Variants in MCUR1 observed in about 807,000 individuals in gnomAD.
MCUR1 encodes the protein MCU regulator 1.
In MCUR1, 37 loss-of-function variants were observed where a neutral mutation model predicts 42.0. That is an observed-to-expected ratio of 0.88 (90% CI 0.68 to 1.16). The LOEUF (loss-of-function observed/expected upper bound fraction) is 1.16, where lower values mean the gene tolerates loss of function less well. Among genes scored for constraint, MCUR1 ranks in the 50% most tolerant of loss-of-function variants. MCUR1 has a pLI of 0.00. For synonymous variants in MCUR1, 229 were observed against 196.2 expected, an observed-to-expected ratio of 1.17 and a Z score of -1.40; for missense variants, 469 against 468.4, an observed-to-expected ratio of 1.00 and a Z score of -0.01.
At chr6:13,799,000 C>T (rs1007747830) in intron 5 of MCUR1, 96 bp from the exon 6 acceptor site, 5 of 719,232 alleles carry the variant, frequency 7.0e-6, no homozygotes, top group East Asian at 2.7e-5. Flanking sequence ...CCCACTGTCC[C>T]TATCCTAGGC....
intron 1 of MCUR1, among the ~76,000 whole-genome samples, chr6:13,809,298 C>T (rs985831510): frequency 6.6e-6 from 1 of 152,118 alleles, no homozygotes; most frequent in African/African-American, 2.4e-5. Flanking sequence ...ACTTTAAGTA[C>T]ATTGTACTTT....
intron 6 of MCUR1, among the ~76,000 whole-genome samples, chr6:13,795,669 G>A (rs960793517): frequency 1.3e-5 from 2 of 152,046 alleles, no homozygotes; most frequent in Non-Finnish European, 2.9e-5. Flanking sequence ...AAATTCACTG[G>A]CTTGATGGGA....
At chr6:13,800,492 C>T in intron 4 of MCUR1, 110 bp from the exon 5 acceptor site, 1 of 627,660 alleles carries the variant, frequency 1.6e-6, no homozygotes. Context: ...TTCCTTCATT[C>T]AGAACACCGT....
intron 2 of MCUR1, among the ~76,000 whole-genome samples, chr6:13,805,271 C>T (rs879746752): frequency 1.3e-5 from 2 of 152,130 alleles, no homozygotes; most frequent in East Asian, 1.9e-4. Flanking sequence ...GGATTACAGG[C>T]ATGAGCCACC....
chr6:13,789,402 A>G lies in MCUR1; in HGVS notation c.*1407T>C, dbSNP rs1759675747. The G allele has an allele frequency of 6.6e-6, 1 of 151,718 alleles. No individual in the cohort carries two copies. Among genetic ancestry groups the G allele is most frequent in the Non-Finnish European group, 1.5e-5 (1 of 67,842 alleles). The allele number at this position is 151,718 out of a possible 1,614,324, so 9.4% of individuals were successfully genotyped here. On this transcript the variant is annotated 3_prime_UTR_variant, in exon 9 of 9. Transcript: ENST00000379170. ...GCGACAGTGCGAGACTCCGTCTCAA[A>G]AAAAAAAAAAAGGTGAGAATGTGCT...
chr6:13,791,636 T>C (rs1322621860), intron 8 of MCUR1, among the ~76,000 whole-genome samples: 4 of 152,212 alleles, frequency 2.6e-5, no homozygotes, highest in African/African-American at 7.2e-5. Context: ...TAGTATCTTA[T>C]CAAATTTCCA....
chr6:13,802,358 C>T lies in MCUR1; in HGVS notation c.536-12G>A. On this transcript the variant is annotated splice_polypyrimidine_tract_variant and intron_variant, in intron 2 of 8. Transcript: ENST00000379170. ...TTGAGTAGCAAACCCTAAGCAAGCA[C>T]ACAAGCAAAAAAAATCATGCTCAGA... The T allele has an allele frequency of 6.2e-7, 1 of 1,604,576 alleles. No homozygotes were observed. Among genetic ancestry groups the T allele is most frequent in the Non-Finnish European group, 8.5e-7 (1 of 1,173,736 alleles).
chr6:13,791,958 T>C lies in MCUR1; in HGVS notation c.944A>G (p.Asp315Gly). 1.2e-6 allele frequency: 2 copies of C among 1,614,086 alleles called. No homozygotes were observed. Among genetic ancestry groups the C allele is most frequent in the Non-Finnish European group, 1.7e-6 (2 of 1,180,000 alleles). Reference sequence around the variant, plus strand: ...AGCAACCTCAGTTTCGATCTTCCTGTCTGTCTGGGTAAGGGCCCGATCTTG... The same window carrying C: ...AGCAACCTCAGTTTCGATCTTCCTGCCTGTCTGGGTAAGGGCCCGATCTTG... ...AQQDRALTQT[D>G]RKIETEVAGL... Residue 315 changes from aspartate (D) to glycine (G), a missense_variant, in exon 8 of 9, where the codon GAC (aspartate) becomes GGC (glycine). By Grantham distance (94) the Asp-to-Gly change is moderately conservative. Transcript: ENST00000379170.
At chr6:13,809,794 C>T (rs2113479929) in intron 1 of MCUR1, among the ~76,000 whole-genome samples, 1 of 151,862 alleles carries the variant, frequency 6.6e-6, no homozygotes, top group East Asian at 1.9e-4. Context: ...CTCCCAGCTA[C>T]TTGGGAGGCT....
intron 2 of MCUR1, among the ~76,000 whole-genome samples, chr6:13,805,210 T>C (rs1760090226): frequency 6.6e-6 from 1 of 151,988 alleles, no homozygotes; most frequent in Non-Finnish European, 1.5e-5. Flanking sequence ...CAGACTGGTC[T>C]TGAACTCCTG....
chr6:13,802,774 G>A (rs1157238478), intron 2 of MCUR1, among the ~76,000 whole-genome samples: 3 of 151,516 alleles, frequency 2.0e-5, no homozygotes, highest in African/African-American at 7.3e-5. Flanking sequence ...TTTCTACGGT[G>A]GACAATATTT....
In MCUR1 at chr6:13,795,514, G is replaced by A. The variant is rs569757612; in HGVS notation, c.856-1567C>T. Among the ~76,000 whole-genome samples the A allele has an allele frequency of 1.4e-4, 21 of 152,204 alleles. No homozygotes were observed. In the South Asian group the frequency reaches 4.4e-3, roughly 32 times the overall value. On this transcript the variant is annotated intron_variant, in intron 6 of 8. Transcript: ENST00000379170. ...TAATATTTAACATTATAACTTTACC[G>A]AAAGAACGAGAGCCAGAAAACTCAT...
rs562805335 is a variant in MCUR1, at chr6:13,814,338, G to C, written c.92C>G (p.Pro31Arg). 7.2e-5 allele frequency: 109 copies of C among 1,512,106 alleles called. No individual in the cohort carries two copies. In the African/African-American group the frequency reaches 1.5e-3, roughly 20 times the overall value. 93.7% of individuals were successfully genotyped at this position (1,512,106 alleles called of 1,614,324 possible). The change falls in exon 1 of 9, where the codon CCG becomes CGG. Residue 31 changes from proline to arginine, a missense_variant. Coordinates refer to ENST00000379170, the MANE Select transcript of MCUR1 (RefSeq NM_001031713.4). ...LFLPVGLSGR[P>R]GGSETSARRC... ...GCGTGCTGAGGTTTCGCTGCCGCCC[G>C]GTCTTCCGCTGAGGCCCACGGGCAA...
chr6:13,800,280 A>G, intron 5 of MCUR1, 61 bp downstream of exon 5: 2 of 1,097,182 alleles, frequency 1.8e-6, no homozygotes, highest in South Asian at 1.5e-5. Context: ...TTCTAATATT[A>G]TACTTATTAA....
chr6:13,813,521 C>G (rs1760285503), intron 1 of MCUR1, among the ~76,000 whole-genome samples: 1 of 152,142 alleles, frequency 6.6e-6, no homozygotes, highest in African/African-American at 2.4e-5. Flanking sequence ...ACTGATATAT[C>G]TCACACATCT....
At chr6:13,802,492 T>C in intron 2 of MCUR1, 146 bp from the exon 3 acceptor site, 1 of 579,300 alleles carries the variant, frequency 1.7e-6, no homozygotes, top group Non-Finnish European at 3.0e-6. Context: ...AGCCACAAAC[T>C]ATGACGTGCC....
intron 2 of MCUR1, chr6:13,803,843 A>G (rs1760046467): frequency 4.1e-6 from 4 of 985,414 alleles, no homozygotes; most frequent in Non-Finnish European, 4.8e-6. Context: ...TATTAAGAAG[A>G]GTTCACTGGC....
Position 13,807,144 on chromosome 6 carries a change from A to G in MCUR1, c.416-100T>C, listed in dbSNP as rs907697546. On this transcript the variant is annotated intron_variant, in intron 1 of 8. Coordinates refer to ENST00000379170, the MANE Select transcript of MCUR1 (RefSeq NM_001031713.4). ...AGGCATACCCCAAAGCCTTCGTGGT[A>G]CTTTATAACAGCTTCGTTGAGATAT... 13 of 1,282,298 alleles carry G rather than the reference A, an allele frequency of 1.0e-5. No individual in the cohort carries two copies. The African/African-American group carries it at 1.9e-4, about 19-fold the overall frequency. 79.4% of individuals were successfully genotyped at this position (1,282,298 alleles called of 1,614,324 possible). A position where few individuals can be genotyped will look rare whatever the true frequency, so the allele number is the denominator to read the frequency against.
At chr6:13,811,213 T>C (rs901234891) in intron 1 of MCUR1, among the ~76,000 whole-genome samples, 2 of 152,226 alleles carry the variant, frequency 1.3e-5, no homozygotes. Flanking sequence ...TAGCTCATCG[T>C]AGCACTTACT....
Sources: allele counts gnomAD v4.1 joint callset (sites outside exome capture counted in the v4.1 genomes callset), GRCh38; gene constraint gnomAD v4.1.1; transcripts MANE v1.5; gene names NCBI Gene and HGNC (gene_info 2026-07-23, HGNC 2026-07-21).